CCSER1: variants seen among roughly 807,000 people sequenced by gnomAD.
CCSER1 encodes the protein coiled-coil serine rich protein 1.
A neutral mutation model predicts 82.0 loss-of-function variants in CCSER1; 41 were observed. That is an observed-to-expected ratio of 0.50 (90% confidence interval 0.39 to 0.65). The LOEUF (loss-of-function observed/expected upper bound fraction) is 0.65, where lower values mean the gene tolerates loss of function less well. CCSER1 is among the 30% of genes least tolerant of loss of function. The pLI is 0.00. For missense variants in CCSER1, 1,119 were observed against 1,064.2 expected (o/e 1.05, Z -0.72); for synonymous variants, 414 against 383.9 (o/e 1.08, Z -0.92).
intron 1 of CCSER1, among the ~76,000 whole-genome samples, chr4:90,282,760 T>C (rs1193814962): frequency 1.3e-5 from 2 of 151,952 alleles, no homozygotes; most frequent in African/African-American, 4.8e-5. Flanking sequence ...GCAATCCTTA[T>C]GAGCTTTTTG....
At chr4:90,936,753 T>G (rs561831871) in intron 9 of CCSER1, among the ~76,000 whole-genome samples, 1 of 152,294 alleles carries the variant, frequency 6.6e-6, no homozygotes, top group South Asian at 2.1e-4. Context: ...TCTCTCTGTC[T>G]TTCACATTCA....
In CCSER1 at chr4:90,961,423, A is replaced by G. The variant is rs551777719; in HGVS notation, c.2172+37976A>G. ...GATCCATCTTTTAGCCTTTAACCTTATGAATCTGATCTTGTAGGTACATGT... is the reference window on the plus strand; with the variant it reads ...GATCCATCTTTTAGCCTTTAACCTTGTGAATCTGATCTTGTAGGTACATGT... On this transcript the variant is annotated intron_variant, in intron 9 of 10. Transcript: ENST00000509176. 2.6e-5 allele frequency among the ~76,000 whole-genome samples: 4 copies of G among 152,306 alleles called. No homozygotes were observed. In the South Asian group the frequency reaches 6.2e-4, roughly 24 times the overall value.
At chr4:90,159,114 G>A (rs1229191227) in intron 1 of CCSER1, among the ~76,000 whole-genome samples, 7 of 152,052 alleles carry the variant, frequency 4.6e-5, no homozygotes, top group Non-Finnish European at 8.8e-5. Context: ...GCTCCCTGCA[G>A]CCTCAAACTC....
intron 5 of CCSER1, among the ~76,000 whole-genome samples, chr4:90,485,083 C>T (rs1440066375): frequency 6.6e-6 from 1 of 152,338 alleles, no homozygotes; most frequent in East Asian, 1.9e-4. Context: ...GGCGGGCGCC[C>T]CTCCCCCAGC....
At chr4:90,502,553 T>A (rs184219452) in intron 5 of CCSER1, among the ~76,000 whole-genome samples, 75 of 152,248 alleles carry the variant, frequency 4.9e-4, no homozygotes, top group African/African-American at 1.5e-3. Flanking sequence ...TAAGCAAATA[T>A]TCTGCTACTA....
chr4:90,448,498 T>A (rs1761007508), intron 4 of CCSER1, among the ~76,000 whole-genome samples: 1 of 143,486 alleles, frequency 7.0e-6, no homozygotes, highest in East Asian at 2.1e-4. Flanking sequence ...ACTTTTCTTC[T>A]ATTGTTTTCT....
chr4:91,243,591 G>A (rs1261540359), intron 10 of CCSER1, among the ~76,000 whole-genome samples: 3 of 152,066 alleles, frequency 2.0e-5, no homozygotes, highest in Admixed American at 1.3e-4. Context: ...GTAGTAGGAC[G>A]GGGCACTGGG....
chr4:90,492,831 G>T (rs1407129788), intron 5 of CCSER1, among the ~76,000 whole-genome samples: 1 of 152,118 alleles, frequency 6.6e-6, no homozygotes, highest in Non-Finnish European at 1.5e-5. Flanking sequence ...GAGCAGTTTT[G>T]AGTGAGTTTC....
intron 8 of CCSER1, among the ~76,000 whole-genome samples, chr4:90,872,809 G>GA (rs1270195037): frequency 2.0e-5 from 3 of 151,688 alleles, no homozygotes; most frequent in Admixed American, 6.6e-5. Flanking sequence ...GTCTAGTGTT[G>GA]AAAAAAATCC....
At chr4:90,744,026 G>A (rs1265599018) in intron 7 of CCSER1, among the ~76,000 whole-genome samples, 2 of 152,122 alleles carry the variant, frequency 1.3e-5, no homozygotes, top group Non-Finnish European at 2.9e-5. Flanking sequence ...CAATTAACAA[G>A]CATTAATTGA....
chr4:90,584,889 G>T (rs1334689101), intron 5 of CCSER1, among the ~76,000 whole-genome samples: 6 of 151,834 alleles, frequency 4.0e-5, no homozygotes, highest in African/African-American at 1.5e-4. Context: ...GGAATTTTTT[G>T]ATATTAAAAA....
intron 4 of CCSER1, among the ~76,000 whole-genome samples, chr4:90,434,307 A>G (rs900898651): frequency 1.3e-5 from 2 of 152,312 alleles, no homozygotes; most frequent in Admixed American, 6.5e-5. Context: ...AGAACAATTT[A>G]CTAGTAGCCC....
At chr4:91,482,781 C>A (rs940223031) in intron 10 of CCSER1, among the ~76,000 whole-genome samples, 1 of 152,164 alleles carries the variant, frequency 6.6e-6, no homozygotes, top group Non-Finnish European at 1.5e-5. Context: ...ATGATGAGTT[C>A]ATATCCTTTG....
rs182824971 is a variant in CCSER1 at position 90,382,343 on chromosome 4, G to A, written c.1510-17693G>A. ...TTGACTGTGTTTGTTTTATTTTAGA[G>A]TATATGTCAATATTGTGTGTTTTAA... On this transcript the variant is annotated intron_variant, in intron 3 of 10. Coordinates refer to ENST00000509176, the MANE Select transcript of CCSER1 (RefSeq NM_001145065.2). Among the ~76,000 whole-genome samples, 18 of 152,018 alleles carry A rather than the reference G, an allele frequency of 1.2e-4. No individual in the cohort carries two copies. The East Asian group carries it at 3.3e-3, about 28-fold the overall frequency.
chr4:90,360,512 C>A (rs1324960893), intron 3 of CCSER1, among the ~76,000 whole-genome samples: 2 of 136,902 alleles, frequency 1.5e-5, no homozygotes, highest in South Asian at 2.5e-4. Flanking sequence ...GGAGGCAGAG[C>A]TTGCAGTGAG....
intron 10 of CCSER1, among the ~76,000 whole-genome samples, chr4:91,461,973 A>G (rs1039256201): frequency 2.6e-5 from 4 of 152,168 alleles, no homozygotes; most frequent in African/African-American, 9.7e-5. Flanking sequence ...CTCTTTTACT[A>G]TCTATTTAAT....
intron 10 of CCSER1, among the ~76,000 whole-genome samples, chr4:91,340,123 CA>C (rs951738885): frequency 5.9e-5 from 9 of 151,466 alleles, no homozygotes; most frequent in Non-Finnish European, 1.2e-4. Flanking sequence ...TCAAAAAAAA[CA>C]AAAAAAGATT....
At chr4:91,198,597 A>G (rs1286163514) in intron 10 of CCSER1, among the ~76,000 whole-genome samples, 1 of 152,186 alleles carries the variant, frequency 6.6e-6, no homozygotes, top group East Asian at 1.9e-4. Flanking sequence ...TGATATATAC[A>G]TCACATAATC....
At chr4:91,379,119 T>G (rs900025316) in intron 10 of CCSER1, among the ~76,000 whole-genome samples, 1 of 152,150 alleles carries the variant, frequency 6.6e-6, no homozygotes, top group African/African-American at 2.4e-5. Context: ...TCATGGTGGA[T>G]GAGCTTTTTG....
Sources: allele counts gnomAD v4.1 joint callset (sites outside exome capture counted in the v4.1 genomes callset), GRCh38; gene constraint gnomAD v4.1.1; transcripts MANE v1.5; gene names NCBI Gene and HGNC (gene_info 2026-07-23, HGNC 2026-07-21).